TRMT10B: variants seen among roughly 807,000 people sequenced by gnomAD.
TRMT10B encodes tRNA methyltransferase 10B, also known as tRNA methyltransferase 10 homolog B.
A neutral mutation model predicts 43.8 loss-of-function variants in TRMT10B; 33 were observed. The observed-to-expected ratio is 0.75, with a 90% CI of 0.57 to 1.01. TRMT10B has a LOEUF of 1.01. Ranked by LOEUF, TRMT10B falls within the 50% of genes least tolerant of loss-of-function variation. TRMT10B has a pLI of 0.00. For missense variants in TRMT10B, 362 were observed against 369.8 expected, an observed-to-expected ratio of 0.98 and a Z score of 0.17; for synonymous variants, 137 against 130.6, an observed-to-expected ratio of 1.05 and a Z score of -0.34.
intron 1 of TRMT10B, among the ~76,000 whole-genome samples, chr9:37,756,596 C>G (rs773056356): frequency 1.3e-5 from 2 of 151,840 alleles, no homozygotes; most frequent in Non-Finnish European, 1.5e-5. Flanking sequence ...GACCCAGCTA[C>G]TCGGGAGGCT....
chr9:37,762,065 G>A lies in TRMT10B; in HGVS notation c.134G>A (p.Gly45Asp), dbSNP rs747289056. ...GFQLLQIDAE[G>D]ECQEGEILAT... Reference sequence around the variant, plus strand: ...CAGCTTCTGCAGATCGATGCGGAAGGCGAGTGCCAGGAGGGAGAGATCCTG... The same window carrying A: ...CAGCTTCTGCAGATCGATGCGGAAGACGAGTGCCAGGAGGGAGAGATCCTG... The change falls in exon 2 of 9, where the codon GGC becomes GAC. Residue 45 changes from glycine (G) to aspartate (D), a missense_variant. Gly to Asp is a moderately conservative substitution (Grantham distance 94). Coordinates refer to ENST00000297994, the MANE Select transcript of TRMT10B (RefSeq NM_144964.4). 4 of 1,614,152 alleles carry A rather than the reference G, an allele frequency of 2.5e-6. No homozygotes were observed. In the Admixed American group the frequency reaches 5.0e-5, roughly 20 times the overall value.
In TRMT10B at chr9:37,777,612, C is replaced by T. The variant is rs750913562; in HGVS notation, c.856C>T (p.Leu286=). The stretch of plus-strand genomic sequence containing the variant: ...TTACTCTCTAACAGTGTTTGATATC[C>T]TGTCCACTTACTTAGAGACTCACAA... The part of the protein sequence containing the change: ...ILAINQVFDI[L]STYLETHNWP... The change falls in exon 9 of 9, where the codon CTG becomes TTG. Residue 286 remains leucine (L), a synonymous_variant. Coordinates refer to ENST00000297994, the MANE Select transcript of TRMT10B (RefSeq NM_144964.4). The T allele has an allele frequency of 6.2e-7, 1 of 1,613,260 alleles. No individual in the cohort carries two copies. Among genetic ancestry groups the T allele is most frequent in the South Asian group, 1.1e-5 (1 of 91,060 alleles).
chr9:37,772,861 A>C (rs1827733890), intron 7 of TRMT10B, among the ~76,000 whole-genome samples: 1 of 152,210 alleles, frequency 6.6e-6, no homozygotes, highest in Non-Finnish European at 1.5e-5. Context: ...AAAAACCGTA[A>C]TAGCCAAATG....
Position 37,770,659 on chromosome 9 carries a change from A to AT in TRMT10B, c.653-7dup. The AT allele has an allele frequency of 6.2e-7, 1 of 1,611,806 alleles. No homozygotes were observed. The highest frequency in any genetic ancestry group is 8.5e-7 in the Non-Finnish European group (1 of 1,179,278). ...AACAGATTTGATCTCATTGGCCTTC[A>AT]TTTTTTCATTAGCTCTTGAAGATGT... On this transcript the variant is annotated splice_polypyrimidine_tract_variant and intron_variant, in intron 6 of 8. Transcript: ENST00000297994.
intron 7 of TRMT10B, among the ~76,000 whole-genome samples, chr9:37,771,587 A>T (rs897242546): frequency 3.9e-5 from 6 of 152,240 alleles, no homozygotes; most frequent in Admixed American, 1.3e-4. Context: ...AAATACGAGC[A>T]GGGGCTACTT....
chr9:37,761,889 G>A lies in TRMT10B; in HGVS notation c.-29-14G>A, dbSNP rs1188673769. ...AAATAATGTAATAGCTCACATAATT[G>A]TGCCTTTTTCCAGTCTGGTGGAAAG... On this transcript the variant is annotated splice_polypyrimidine_tract_variant and intron_variant, in intron 1 of 8. Coordinates refer to ENST00000297994, the MANE Select transcript of TRMT10B (RefSeq NM_144964.4). 1 of 1,552,976 alleles carries A rather than the reference G, an allele frequency of 6.4e-7. No individual in the cohort carries two copies. The highest frequency in any genetic ancestry group is 1.2e-5 in the South Asian group (1 of 86,596).
Position 37,758,715 on chromosome 9 carries a change from C to T in TRMT10B, c.-29-3188C>T, listed in dbSNP as rs1025112717. On this transcript the variant is annotated intron_variant, in intron 1 of 8. Transcript: ENST00000297994. ...ACAGAAGGAATGGGTATTGGACTTA[C>T]CTTCCTACAATAAACTATAAAACTG... 4.6e-5 allele frequency among the ~76,000 whole-genome samples: 7 copies of T among 152,150 alleles called. No homozygotes were observed. The East Asian group carries it at 1.2e-3, about 25-fold the overall frequency.
chr9:37,765,089 C>A (rs889316302), intron 4 of TRMT10B, among the ~76,000 whole-genome samples: 9 of 152,014 alleles, frequency 5.9e-5, no homozygotes, highest in African/African-American at 2.2e-4. Flanking sequence ...ATGCCTTGGA[C>A]CCTTGATGAA....
At chr9:37,772,094 C>T (rs1213177195) in intron 7 of TRMT10B, among the ~76,000 whole-genome samples, 2 of 152,124 alleles carry the variant, frequency 1.3e-5, no homozygotes, top group African/African-American at 2.4e-5. Flanking sequence ...TCACTGCAGC[C>T]GCAATCTCAT....
chr9:37,761,845 G>T (rs771940849), intron 1 of TRMT10B, 58 bp from the exon 2 acceptor site: 1 of 1,211,934 alleles, frequency 8.3e-7, no homozygotes, highest in Non-Finnish European at 1.2e-6. Context: ...TTGGATGTAG[G>T]GAGATACCTA....
At chr9:37,755,984 G>T (rs10814618) in intron 1 of TRMT10B, among the ~76,000 whole-genome samples, 48,847 of 151,968 alleles carry the variant, frequency 0.32, 7,966 homozygotes, top group Non-Finnish European at 0.35. Context: ...AACAGTGGAA[G>T]TCTGTAGCTC....
intron 1 of TRMT10B, among the ~76,000 whole-genome samples, chr9:37,756,749 CACACATATATATAT>C (rs1563982796): frequency 6.6e-6 from 1 of 151,074 alleles, no homozygotes; most frequent in East Asian, 1.9e-4. Flanking sequence ...TATACACACA[CACACATATATATAT>C]ACACATATAT....
intron 1 of TRMT10B, among the ~76,000 whole-genome samples, chr9:37,757,040 GTTCA>G (rs1189315232): frequency 6.6e-6 from 1 of 151,294 alleles, no homozygotes; most frequent in Non-Finnish European, 1.5e-5. Flanking sequence ...CAACTTCACT[GTTCA>G]TTCATGTGGA....
At position 37,777,617 on chromosome 9, in the gene TRMT10B, CACTTACTTAGAG is replaced by C; in HGVS notation, c.865_876del (p.Tyr289_Thr292del). 1 of 1,613,560 alleles carries C rather than the reference CACTTACTTAGAG, an allele frequency of 6.2e-7. No individual in the cohort carries two copies. Among genetic ancestry groups the C allele is most frequent in the East Asian group, 2.2e-5 (1 of 44,872 alleles). On this transcript the variant is annotated inframe_deletion, in exon 9 of 9. Transcript: ENST00000297994. ...CTCTAACAGTGTTTGATATCCTGTC[CACTTACTTAGAG>C]ACTCACAACTGGCCTGAAGCATTGA...
chr9:37,756,743 C>T (rs146684877), intron 1 of TRMT10B, among the ~76,000 whole-genome samples: 18,577 of 142,356 alleles, frequency 0.13, 1,271 homozygotes, highest in Non-Finnish European at 0.16. Context: ...TATATATATA[C>T]ACACACACAC....
intron 2 of TRMT10B, 151 bp from the exon 3 acceptor site, chr9:37,762,426 G>A (rs1449130353): frequency 1.7e-6 from 2 of 1,165,748 alleles, no homozygotes; most frequent in Non-Finnish European, 2.3e-6. Flanking sequence ...CTCTAAACAC[G>A]ATCCAGTCTA....
At chr9:37,757,810 C>A (rs900752245) in intron 1 of TRMT10B, among the ~76,000 whole-genome samples, 1 of 152,176 alleles carries the variant, frequency 6.6e-6, no homozygotes, top group Non-Finnish European at 1.5e-5. Context: ...TATCCCATTT[C>A]GTGGAGAGAC....
At chr9:37,754,346 G>A (rs574703800) in intron 1 of TRMT10B, among the ~76,000 whole-genome samples, 1 of 152,142 alleles carries the variant, frequency 6.6e-6, no homozygotes, top group Non-Finnish European at 1.5e-5. Flanking sequence ...GAGCATTGAG[G>A]GTAAAGAGAA....
intron 5 of TRMT10B, 139 bp downstream of exon 5, chr9:37,768,367 T>C: frequency 2.0e-6 from 2 of 982,728 alleles, no homozygotes; most frequent in Non-Finnish European, 2.9e-6. Flanking sequence ...CATAAGTTCT[T>C]AAATTTAAAA....
Sources: gnomAD v4.1 joint callset for allele counts (sites outside exome capture counted in the v4.1 genomes callset) on GRCh38, gnomAD v4.1.1 for gene constraint, MANE v1.5 for transcripts, NCBI Gene and HGNC (gene_info 2026-07-23, HGNC 2026-07-21) for gene names.